Variants in AMOTL1 observed in about 807,000 individuals in gnomAD.
The protein encoded by AMOTL1 is angiomotin-like protein 1.
Under a neutral mutation model 102.9 loss-of-function variants are expected in AMOTL1, and 45 were observed. The ratio of observed to expected loss-of-function variants is 0.44; its 90% CI spans 0.34 to 0.56. AMOTL1 has a LOEUF of 0.56. Among genes scored for constraint, AMOTL1 ranks in the 20% least tolerant of loss-of-function variants. The pLI is 0.01. For synonymous variants in AMOTL1, 481 were observed against 484.7 expected (o/e 0.99, Z 0.10); for missense variants, 1,114 against 1,225.6 (o/e 0.91, Z 1.36).
chr11:94,736,017 T>C (rs1467917908), intron 2 of AMOTL1, among the ~76,000 whole-genome samples: 3 of 152,162 alleles, frequency 2.0e-5, no homozygotes, highest in Non-Finnish European at 4.4e-5. Context: ...GGCCCCTGTA[T>C]AATCTGTTTC....
Position 94,875,521 on chromosome 11 carries a change from A to T in AMOTL1, c.*4726A>T, listed in dbSNP as rs1183353204. The stretch of plus-strand genomic sequence containing the variant: ...CTTTTGGGAGACTATGTGCTCATTG[A>T]CTATAGTGCTGCCAAGTAAAAATAT... On this transcript the variant is annotated 3_prime_UTR_variant, in exon 13 of 13. Transcript: ENST00000433060. 1 of 152,168 alleles carries T rather than the reference A, an allele frequency of 6.6e-6. No homozygotes were observed. Among genetic ancestry groups the T allele is most frequent in the Non-Finnish European group, 1.5e-5 (1 of 68,038 alleles). 9.4% of individuals were successfully genotyped at this position (152,168 alleles called of 1,614,324 possible).
intron 3 of AMOTL1, among the ~76,000 whole-genome samples, chr11:94,809,411 T>C (rs1951630921): frequency 6.6e-6 from 1 of 152,214 alleles, no homozygotes; most frequent in African/African-American, 2.4e-5. Flanking sequence ...TGAATCTGTG[T>C]CTGAGAGTGT....
At chr11:94,745,898 T>A (rs1565336988) in intron 3 of AMOTL1, among the ~76,000 whole-genome samples, 1 of 152,062 alleles carries the variant, frequency 6.6e-6, no homozygotes, top group African/African-American at 2.4e-5. Context: ...CAAAAGGAGG[T>A]AGTCAGGAAT....
At chr11:94,743,697 C>T (rs1236076947) in intron 3 of AMOTL1, among the ~76,000 whole-genome samples, 1 of 117,280 alleles carries the variant, frequency 8.5e-6, no homozygotes, top group South Asian at 2.8e-4. Context: ...CTCGCTCTGT[C>T]GCCCAGATGG....
chr11:94,721,698 C>T (rs1950176860), intron 1 of AMOTL1, among the ~76,000 whole-genome samples: 1 of 152,132 alleles, frequency 6.6e-6, no homozygotes, highest in Non-Finnish European at 1.5e-5. Flanking sequence ...ACCTTCAGAA[C>T]TGTGAGAAAT....
rs149385363 is a variant in AMOTL1 at position 94,854,877 on chromosome 11, C to T, written c.1944+795C>T. ...ACCATCCCTAGAAAATAATGTTGGCCATAATTCCCTATTCCTGCTGCCTGT... is the reference window on the plus strand; with the variant it reads ...ACCATCCCTAGAAAATAATGTTGGCTATAATTCCCTATTCCTGCTGCCTGT... On this transcript the variant is annotated intron_variant, in intron 8 of 12. Transcript: ENST00000433060. Among the ~76,000 whole-genome samples, 754 of 152,260 alleles carry T rather than the reference C, an allele frequency of 5.0e-3. 11 individuals carry two copies. Among genetic ancestry groups the T allele is most frequent in the African/African-American group, 0.017 (724 of 41,538 alleles).
At position 94,875,155 on chromosome 11, in the gene AMOTL1, C is replaced by G. The variant is rs1471400911; in HGVS notation, c.*4360C>G. The G allele has an allele frequency of 6.6e-6, 1 of 152,164 alleles. No individual in the cohort carries two copies. Among genetic ancestry groups the G allele is most frequent in the Non-Finnish European group, 1.5e-5 (1 of 68,032 alleles). The allele number at this position is 152,164 out of a possible 1,614,324, so 9.4% of individuals were successfully genotyped here. On this transcript the variant is annotated 3_prime_UTR_variant, in exon 13 of 13. Coordinates refer to ENST00000433060, the MANE Select transcript of AMOTL1 (RefSeq NM_130847.3). ...TAAGTAATTAAAGTGTTTAAAATGTCTTCATTAGATGTGACGATTGTTTAA... is the reference window on the plus strand; with the variant it reads ...TAAGTAATTAAAGTGTTTAAAATGTGTTCATTAGATGTGACGATTGTTTAA...
chr11:94,740,468 G>A (rs1405611109), intron 2 of AMOTL1: 1 of 151,946 alleles, frequency 6.6e-6, no homozygotes, highest in African/African-American at 2.4e-5. Context: ...AACGAGCGGG[G>A]ATGCGCGGGG....
intron 1 of AMOTL1, among the ~76,000 whole-genome samples, chr11:94,772,919 T>A (rs1236072009): frequency 1.3e-5 from 2 of 152,264 alleles, no homozygotes; most frequent in Non-Finnish European, 2.9e-5. Flanking sequence ...TAGTAGGTGC[T>A]CTAATCTTAC....
At chr11:94,730,894 G>T (rs939683977) in intron 2 of AMOTL1, among the ~76,000 whole-genome samples, 1 of 152,166 alleles carries the variant, frequency 6.6e-6, no homozygotes, top group African/African-American at 2.4e-5. Flanking sequence ...AGAAAGTGTG[G>T]TTTTCCCACT....
chr11:94,756,882 T>C (rs983457476), intron 3 of AMOTL1, among the ~76,000 whole-genome samples: 1 of 152,284 alleles, frequency 6.6e-6, no homozygotes, highest in South Asian at 2.1e-4. Flanking sequence ...TGTGGGACCA[T>C]TAGACCTCTT....
At chr11:94,836,760 CTT>C (rs200404531) in intron 6 of AMOTL1, among the ~76,000 whole-genome samples, 173 of 140,758 alleles carry the variant, frequency 1.2e-3, no homozygotes, top group East Asian at 5.3e-3. Flanking sequence ...TTCCTTCCTT[CTT>C]TTTTTTTTTT....
intron 7 of AMOTL1, 47 bp from the exon 8 acceptor site, chr11:94,853,886 A>G (rs1952600637): frequency 1.9e-6 from 3 of 1,582,756 alleles, no homozygotes; most frequent in Non-Finnish European, 2.6e-6. Context: ...CAGCTTTGAG[A>G]ATCAGTGGTC....
intron 2 of AMOTL1, among the ~76,000 whole-genome samples, chr11:94,736,931 A>T (rs922990563): frequency 3.3e-5 from 5 of 152,196 alleles, no homozygotes; most frequent in African/African-American, 1.2e-4. Context: ...TTCCCAATAA[A>T]TGTTTGTTTA....
intron 3 of AMOTL1, among the ~76,000 whole-genome samples, chr11:94,810,831 G>GACACACACAC (rs3995610): frequency 1.4e-5 from 2 of 143,656 alleles, no homozygotes; most frequent in African/African-American, 5.2e-5. Flanking sequence ...AAAAATAAAA[G>GACACACACAC]ACACACACAC....
intron 12 of AMOTL1, 38 bp from the exon 13 acceptor site, chr11:94,870,651 G>A (rs570315201): frequency 1.3e-5 from 19 of 1,510,424 alleles, no homozygotes; most frequent in Non-Finnish European, 1.7e-5. Flanking sequence ...TGCCCCTCCT[G>A]AGGAATGGGC....
chr11:94,721,779 G>A, intron 1 of AMOTL1, among the ~76,000 whole-genome samples: 1 of 152,024 alleles, frequency 6.6e-6, no homozygotes, highest in East Asian at 1.9e-4. Flanking sequence ...TAACACATGT[G>A]GCTATTAGAA....
chr11:94,780,920 G>A (rs977549220), intron 1 of AMOTL1, among the ~76,000 whole-genome samples: 107 of 152,194 alleles, frequency 7.0e-4, no homozygotes, highest in African/African-American at 2.4e-3. Flanking sequence ...CCTGCTTGGT[G>A]GATATTTTCT....
intron 12 of AMOTL1, 59 bp downstream of exon 12, chr11:94,869,532 G>T (rs963858691): frequency 1.3e-6 from 2 of 1,499,268 alleles, no homozygotes; most frequent in Non-Finnish European, 1.8e-6. Context: ...TGGCCTAAGA[G>T]AATCTTTTGT....
Sources: allele counts gnomAD v4.1 joint callset (sites outside exome capture counted in the v4.1 genomes callset), GRCh38; gene constraint gnomAD v4.1.1; transcripts MANE v1.5; gene names NCBI Gene and HGNC (gene_info 2026-07-23, HGNC 2026-07-21).